Variants in NEDD4L observed in about 807,000 individuals in gnomAD.
The protein encoded by NEDD4L is NEDD4 like E3 ubiquitin protein ligase.
Under a neutral mutation model 148.9 loss-of-function variants are expected in NEDD4L, and 54 were observed. The ratio of observed to expected loss-of-function variants is 0.36; its 90% CI spans 0.29 to 0.45. The LOEUF (loss-of-function observed/expected upper bound fraction) is 0.45, where lower values mean the gene tolerates loss of function less well. Among genes scored for constraint, NEDD4L ranks in the 20% least tolerant of loss-of-function variants. The pLI is 1.00. For synonymous variants in NEDD4L, 433 were observed against 440.7 expected (o/e 0.98, Z 0.22); for missense variants, 856 against 1,233.8 (o/e 0.69, Z 4.59).
At chr18:58,383,588 C>G (rs2048621103) in intron 25 of NEDD4L, among the ~76,000 whole-genome samples, 1 of 152,218 alleles carries the variant, frequency 6.6e-6, no homozygotes, top group South Asian at 2.1e-4. Flanking sequence ...GGCAAATACT[C>G]TTTTGGAATA....
At chr18:58,284,279 A>G (rs1366158691) in intron 5 of NEDD4L, among the ~76,000 whole-genome samples, 1 of 152,234 alleles carries the variant, frequency 6.6e-6, no homozygotes, top group Non-Finnish European at 1.5e-5. Context: ...CTCTCGGGAA[A>G]GTTTGGTGAA....
intron 2 of NEDD4L, among the ~76,000 whole-genome samples, chr18:58,202,815 C>T (rs976564358): frequency 7.2e-5 from 11 of 152,164 alleles, no homozygotes; most frequent in Non-Finnish European, 1.2e-4. Flanking sequence ...TATTTATTTT[C>T]TCATCATTGT....
chr18:58,065,898 G>A (rs2082566322), intron 1 of NEDD4L, among the ~76,000 whole-genome samples: 1 of 152,220 alleles, frequency 6.6e-6, no homozygotes, highest in African/African-American at 2.4e-5. Flanking sequence ...TACTCCAGTA[G>A]GGAAGGTTGA....
chr18:58,234,097 C>CTTTCTTTCTTTTCT (rs1483373337), intron 2 of NEDD4L, among the ~76,000 whole-genome samples: 16 of 83,396 alleles, frequency 1.9e-4, no homozygotes, highest in African/African-American at 7.4e-4. Flanking sequence ...TTCTTTCTTT[C>CTTTCTTTCTTTTCT]TTTCTTTTCT....
At chr18:58,055,172 G>C (rs1358679501) in intron 1 of NEDD4L, among the ~76,000 whole-genome samples, 1 of 152,178 alleles carries the variant, frequency 6.6e-6, no homozygotes, top group Non-Finnish European at 1.5e-5. Context: ...AAAATGACTA[G>C]GGGCTAGGCA....
intron 2 of NEDD4L, among the ~76,000 whole-genome samples, chr18:58,190,433 A>G (rs1246258269): frequency 1.3e-5 from 2 of 152,308 alleles, no homozygotes; most frequent in Middle Eastern, 6.8e-3. Flanking sequence ...ATGTTATGGA[A>G]ACATTTTATA....
intron 5 of NEDD4L, among the ~76,000 whole-genome samples, chr18:58,261,470 T>G (rs1238292905): frequency 6.6e-6 from 1 of 152,256 alleles, no homozygotes; most frequent in African/African-American, 2.4e-5. Flanking sequence ...GGAATATGTC[T>G]TATTTTAAGA....
At position 58,397,764 on chromosome 18, in the gene NEDD4L, T is replaced by A. The variant is rs2050588125; in HGVS notation, c.*1495T>A. ...GTAAGTCTCCATTGCAGAATTGTCG[T>A]GCTTTGAGAAAACACCTGAGGCAGT... is the stretch of plus-strand genomic sequence containing the variant. On this transcript the variant is annotated 3_prime_UTR_variant, in exon 31 of 31. Coordinates refer to ENST00000400345, the MANE Select transcript of NEDD4L (RefSeq NM_001144967.3). 6.6e-6 allele frequency: 1 copy of A among 152,620 alleles called. No individual in the cohort carries two copies. Among genetic ancestry groups the A allele is most frequent in the Non-Finnish European group, 1.5e-5 (1 of 68,046 alleles). The allele number at this position is 152,620 out of a possible 1,614,324, so 9.5% of individuals were successfully genotyped here. A position where few individuals can be genotyped will look rare whatever the true frequency, so the allele number is the denominator to read the frequency against.
At chr18:58,089,250 C>T (rs1206764562) in intron 1 of NEDD4L, among the ~76,000 whole-genome samples, 1 of 150,824 alleles carries the variant, frequency 6.6e-6, no homozygotes, top group Non-Finnish European at 1.5e-5. Context: ...TCTCCTGCCT[C>T]AGCCTCCCGA....
At chr18:58,234,844 C>T (rs2045818417) in intron 2 of NEDD4L, among the ~76,000 whole-genome samples, 1 of 152,186 alleles carries the variant, frequency 6.6e-6, no homozygotes, top group Non-Finnish European at 1.5e-5. Context: ...GTATCAGCAG[C>T]AGCTGTGTCA....
chr18:58,317,709 G>T (rs187459281), intron 6 of NEDD4L, among the ~76,000 whole-genome samples: 9 of 152,300 alleles, frequency 5.9e-5, no homozygotes, highest in Middle Eastern at 3.4e-3. Flanking sequence ...TGGAGGCAGG[G>T]TCAGTGAGCC....
At chr18:58,252,884 T>C (rs1240596150) in intron 5 of NEDD4L, among the ~76,000 whole-genome samples, 1 of 152,164 alleles carries the variant, frequency 6.6e-6, no homozygotes, top group Non-Finnish European at 1.5e-5. Context: ...AGATTTCATT[T>C]TAGAAATGGA....
rs1339536683 is a variant in NEDD4L at position 58,396,408 on chromosome 18, T to C, written c.*139T>C. On this transcript the variant is annotated 3_prime_UTR_variant, in exon 31 of 31. Transcript: ENST00000400345. ...CTGGAGCCGAGCCTTCACCACGCAC[T>C]CGTCCAAGTTCGGATGCGGGAACCT... The C allele has an allele frequency of 1.5e-5, 9 of 583,508 alleles. No homozygotes were observed. The African/African-American group carries it at 1.7e-4, about 11-fold the overall frequency. The allele number at this position is 583,508 out of a possible 1,614,324, so 36.1% of individuals were successfully genotyped here. A position where few individuals can be genotyped will look rare whatever the true frequency, so the allele number is the denominator to read the frequency against.
At position 58,179,240 on chromosome 18, in the gene NEDD4L, C is replaced by T. The variant is rs139192057; in HGVS notation, c.122+13379C>T. 1.8e-3 allele frequency among the ~76,000 whole-genome samples: 267 copies of T among 152,338 alleles called. 2 individuals carry two copies. The highest frequency in any genetic ancestry group is 6.1e-3 in the African/African-American group (254 of 41,586). On this transcript the variant is annotated intron_variant, in intron 2 of 30. Coordinates refer to ENST00000400345, the MANE Select transcript of NEDD4L (RefSeq NM_001144967.3). ...GCATATGTAGTCAAGCCATCATGTTCTTGAAGTGAGACTTCACCCACTAGT... is the reference window on the plus strand; with the variant it reads ...GCATATGTAGTCAAGCCATCATGTTTTTGAAGTGAGACTTCACCCACTAGT...
At chr18:58,275,813 G>T (rs1208976369) in intron 5 of NEDD4L, among the ~76,000 whole-genome samples, 1 of 152,182 alleles carries the variant, frequency 6.6e-6, no homozygotes, top group Non-Finnish European at 1.5e-5. Flanking sequence ...AACTTAACAA[G>T]CAGGAAGTCT....
chr18:58,122,691 T>C (rs1319238486), intron 1 of NEDD4L, among the ~76,000 whole-genome samples: 1 of 152,162 alleles, frequency 6.6e-6, no homozygotes, highest in African/African-American at 2.4e-5. Flanking sequence ...AAAGCAGTTG[T>C]CAAGTGGTGT....
intron 2 of NEDD4L, among the ~76,000 whole-genome samples, chr18:58,189,193 T>G (rs1015829129): frequency 1.3e-5 from 2 of 152,180 alleles, no homozygotes; most frequent in East Asian, 3.8e-4. Context: ...TCGCTGCCTT[T>G]CTCTCTGTCT....
At chr18:58,146,008 C>G (rs2034063414) in intron 1 of NEDD4L, among the ~76,000 whole-genome samples, 1 of 152,134 alleles carries the variant, frequency 6.6e-6, no homozygotes. Flanking sequence ...GCTTGTTCAC[C>G]TGGATGCATT....
intron 2 of NEDD4L, among the ~76,000 whole-genome samples, chr18:58,217,886 G>A (rs1259514415): frequency 1.3e-5 from 2 of 152,092 alleles, no homozygotes; most frequent in African/African-American, 4.8e-5. Flanking sequence ...ACTATTTTAT[G>A]GTAAGCATTT....
Sources: allele counts gnomAD v4.1 joint callset (sites outside exome capture counted in the v4.1 genomes callset), GRCh38; gene constraint gnomAD v4.1.1; transcripts MANE v1.5; gene names NCBI Gene and HGNC (gene_info 2026-07-23, HGNC 2026-07-21).